The following KLK5 variants were observed in gnomAD, a reference collection of about 807,000 sequenced individuals.
KLK5 encodes kallikrein-5.
A neutral mutation model predicts 24.0 loss-of-function variants in KLK5; 18 were observed. The ratio of observed to expected loss-of-function variants is 0.75; its 90% CI spans 0.52 to 1.11. The LOEUF is 1.11. Ranked by LOEUF, KLK5 falls within the 50% of genes most tolerant of loss-of-function variation. KLK5 has a pLI of 0.00. For missense variants in KLK5, 374 were observed against 379.2 expected (o/e 0.99, Z 0.11); for synonymous variants, 140 against 154.0 (o/e 0.91, Z 0.67).
intron 5 of KLK5, among the ~76,000 whole-genome samples, chr19:50,948,239 G>A (rs574914207): frequency 7.3e-5 from 11 of 151,482 alleles, no homozygotes; most frequent in Admixed American, 4.6e-4. Context: ...CTTGTGTCTC[G>A]GCCTCCTGAG....
chr19:50,943,846 G>C, intron 5 of KLK5, 60 bp from the exon 6 acceptor site: 1 of 1,388,554 alleles, frequency 7.2e-7, no homozygotes, highest in Non-Finnish European at 1.0e-6. Flanking sequence ...GGCAGAAGGA[G>C]ACATGAGAGA....
At position 50,945,047 on chromosome 19, in the gene KLK5, CCT is replaced by C. The variant is rs1166890524; in HGVS notation, c.727-1263_727-1262del. On this transcript the variant is annotated intron_variant, in intron 5 of 5. Coordinates refer to ENST00000336334, the MANE Select transcript of KLK5 (RefSeq NM_012427.5). ...TTCCTTCCTTCCTTTCTTTCTCCTT[CCT>C]TCCTTTCTTTCTCCTTCCTTCCTTC... 6.5e-5 allele frequency among the ~76,000 whole-genome samples: 9 copies of C among 138,440 alleles called. No individual in the cohort carries two copies. The East Asian group carries it at 1.7e-3, about 26-fold the overall frequency. The allele number at this position is 138,440 out of a possible 152,430, so 90.8% of individuals were successfully genotyped here.
In KLK5 at chr19:50,949,071, T is replaced by C; in HGVS notation, c.380A>G (p.Tyr127Cys). 2 of 1,613,648 alleles carry C rather than the reference T, an allele frequency of 1.2e-6. No homozygotes were observed. The highest frequency in any genetic ancestry group is 1.7e-6 in the Non-Finnish European group (2 of 1,179,954). The part of the protein sequence containing the change: ...RLGHYSLSPV[Y>C]ESGQQMFQGV... ...CTGGAACATCTGCTGCCCAGATTCA[T>C]AAACTGGTGACAGGGAGTAGTGGCC... The change falls in exon 4 of 6, where the codon TAT becomes TGT. Residue 127 changes from tyrosine (Y) to cysteine (C), a missense_variant. Transcript: ENST00000336334.
At chr19:50,946,002 C>T (rs2090630173) in intron 5 of KLK5, among the ~76,000 whole-genome samples, 1 of 152,324 alleles carries the variant, frequency 6.6e-6, no homozygotes, top group East Asian at 1.9e-4. Flanking sequence ...TGTGCCATTG[C>T]ACCCGGCTTC....
In KLK5 at chr19:50,950,124, C is replaced by A. The variant is rs1192371754; in HGVS notation, c.74-8G>T. 3 of 1,557,866 alleles carry A rather than the reference C, an allele frequency of 1.9e-6. No individual in the cohort carries two copies. Among genetic ancestry groups the A allele is most frequent in the Non-Finnish European group, 2.6e-6 (3 of 1,146,272 alleles). ...TGTTGGCGAGAACATGCTCTGGGAA[C>A]GGAAAATGGGTTGGGCGGGGCTCAG... On this transcript the variant is annotated splice_polypyrimidine_tract_variant and splice_region_variant and intron_variant, in intron 2 of 5. Transcript: ENST00000336334.
chr19:50,951,745 C>T (rs572934629), intron 2 of KLK5, among the ~76,000 whole-genome samples: 3 of 152,296 alleles, frequency 2.0e-5, no homozygotes, highest in South Asian at 4.1e-4. Context: ...CACACGCTCC[C>T]GGGCAGCCTA....
At chr19:50,944,043 G>A (rs757693560) in intron 5 of KLK5, among the ~76,000 whole-genome samples, 23 of 150,838 alleles carry the variant, frequency 1.5e-4, no homozygotes, top group Non-Finnish European at 3.0e-4. Flanking sequence ...TTACTCTGTT[G>A]CCCAGGTTGG....
intron 5 of KLK5, 56 bp downstream of exon 5, chr19:50,948,584 A>T (rs1844784891): frequency 1.3e-6 from 2 of 1,589,152 alleles, no homozygotes; most frequent in Admixed American, 1.7e-5. Flanking sequence ...GCAACGCTCC[A>T]TGTTACCGAG....
Position 50,943,395 on chromosome 19 carries a change from A to G in KLK5, c.*236T>C. 2 of 439,242 alleles carry G rather than the reference A, an allele frequency of 4.6e-6. No individual in the cohort carries two copies. The highest frequency in any genetic ancestry group is 8.2e-6 in the Non-Finnish European group (2 of 244,792). The allele number at this position is 439,242 out of a possible 1,614,324, so 27.2% of individuals were successfully genotyped here. A position where few individuals can be genotyped will look rare whatever the true frequency, so the allele number is the denominator to read the frequency against. ...GCTTGAGGATGAAAGTGCCCCAGGG[A>G]GATTGAGACGCAACCCCCGCCCTGG... is the stretch of plus-strand genomic sequence containing the variant. On this transcript the variant is annotated 3_prime_UTR_variant, in exon 6 of 6. Transcript: ENST00000336334.
At position 50,947,405 on chromosome 19, in the gene KLK5, C is replaced by G. The variant is rs73045911; in HGVS notation, c.726+1235G>C. On this transcript the variant is annotated intron_variant, in intron 5 of 5. Coordinates refer to ENST00000336334, the MANE Select transcript of KLK5 (RefSeq NM_012427.5). The surrounding 1 kb of genome is among the most constrained non-coding windows in gnomAD (Gnocchi z 8.7). ...CTTCACGAGTTTAGCTTCTTTGTGT[C>G]ATCCATTCTCTGCTCAAATGCCACC... Among the ~76,000 whole-genome samples, 6,722 of 152,256 alleles carry G rather than the reference C, an allele frequency of 0.044. 162 individuals are homozygous for G. Among genetic ancestry groups the G allele is most frequent in the African/African-American group, 0.051 (2,115 of 41,534 alleles).
Position 50,952,768 on chromosome 19 carries a change from G to A in KLK5, c.-33C>T, listed in dbSNP as rs2090699347. 1.2e-5 allele frequency: 8 copies of A among 691,530 alleles called. No homozygotes were observed. In the Admixed American group the frequency reaches 1.7e-4, roughly 14 times the overall value. 42.8% of individuals were successfully genotyped at this position (691,530 alleles called of 1,614,324 possible). On this transcript the variant is annotated 5_prime_UTR_variant, in exon 1 of 6. Transcript: ENST00000336334. ...CTACCTTATTTCCCCAGGTAGAGAG[G>A]AACCACAAGGACGGGCCACCATCGG...
intron 5 of KLK5, 51 bp downstream of exon 5, chr19:50,948,589 A>G: frequency 2.5e-6 from 4 of 1,596,684 alleles, no homozygotes; most frequent in Non-Finnish European, 3.4e-6. Context: ...GCTCCATGTT[A>G]CCGAGTTGGC....
chr19:50,943,806 G>A lies in KLK5; in HGVS notation c.727-20C>T, dbSNP rs768305278. 7 of 1,601,316 alleles carry A rather than the reference G, an allele frequency of 4.4e-6. No homozygotes were observed. The highest frequency in any genetic ancestry group is 1.7e-4 in the Middle Eastern group (1 of 5,774). The stretch of plus-strand genomic sequence containing the variant: ...ATCACCCTGCAGGAGAGAAAGGGGG[G>A]CATGAGAGAGGCAGAGATGTGGCAA... On this transcript the variant is annotated intron_variant, in intron 5 of 5. Transcript: ENST00000336334.
Position 50,943,767 on chromosome 19 carries a change from A to G in KLK5, c.746T>C (p.Val249Ala), listed in dbSNP as rs752873684. 1 of 1,613,254 alleles carries G rather than the reference A, an allele frequency of 6.2e-7. No individual in the cohort carries two copies. Among genetic ancestry groups the G allele is most frequent in the African/African-American group, 1.3e-5 (1 of 75,016 alleles). The change falls in exon 6 of 6, where the codon GTG becomes GCG. Residue 249 changes from valine (V) to alanine (A), a missense_variant. Coordinates refer to ENST00000336334, the MANE Select transcript of KLK5 (RefSeq NM_012427.5). ...DSCQGDSGGP[V>A]VCNGSLQGLV... ...TCCCTGCAGGGAGCCATTGCAGACCACAGGCCCCCCAGAATCACCCTGCAG... is the reference window on the plus strand; with the variant it reads ...TCCCTGCAGGGAGCCATTGCAGACCGCAGGCCCCCCAGAATCACCCTGCAG...
rs1382975384 is a variant in KLK5, at chr19:50,947,570, T to C, written c.726+1070A>G. The stretch of plus-strand genomic sequence containing the variant: ...TTATGCAGATTCTTGACCACAGAGT[T>C]TTTTATTTTTTAACTTTGTTCCTCC... On this transcript the variant is annotated intron_variant, in intron 5 of 5. Transcript: ENST00000336334. This position sits in a 1 kb window ranked among gnomAD's most constrained non-coding sequence, Gnocchi z 8.7. 6.6e-6 allele frequency among the ~76,000 whole-genome samples: 1 copy of C among 152,182 alleles called. No homozygotes were observed. Among genetic ancestry groups the C allele is most frequent in the Non-Finnish European group, 1.5e-5 (1 of 68,028 alleles).
Position 50,947,445 on chromosome 19 carries a change from C to T in KLK5, c.726+1195G>A, listed in dbSNP as rs1002765039. 3.3e-5 allele frequency among the ~76,000 whole-genome samples: 5 copies of T among 152,148 alleles called. No homozygotes were observed. Among genetic ancestry groups the T allele is most frequent in the Non-Finnish European group, 5.9e-5 (4 of 68,030 alleles). ...CAAATGCCACCTCTCCAAGGAGGCT[C>T]CCCTGACCACCTTTTTGAATATTGG... On this transcript the variant is annotated intron_variant, in intron 5 of 5. Transcript: ENST00000336334. This position sits in a 1 kb window ranked among gnomAD's most constrained non-coding sequence, Gnocchi z 8.7.
chr19:50,944,641 G>A (rs144679965), intron 5 of KLK5, among the ~76,000 whole-genome samples: 10 of 152,300 alleles, frequency 6.6e-5, no homozygotes, highest in East Asian at 5.8e-4. Context: ...TGGGCACTGT[G>A]GGCATCTGAA....
At chr19:50,950,248 A>G (rs2090675930) in intron 2 of KLK5, 132 bp from the exon 3 acceptor site, 2 of 822,908 alleles carry the variant, frequency 2.4e-6, no homozygotes, top group Non-Finnish European at 3.8e-6. Context: ...CAGGGCCTGG[A>G]GAATAAGAGT....
intron 2 of KLK5, among the ~76,000 whole-genome samples, chr19:50,951,269 T>TTTTTTTTC (rs1309551977): frequency 6.6e-6 from 1 of 151,958 alleles, no homozygotes; most frequent in African/African-American, 2.4e-5. Context: ...TCTTACCCTT[T>TTTTTTTTC]TTTTTTTCTT....
Sources: gnomAD v4.1 joint callset for allele counts (sites outside exome capture counted in the v4.1 genomes callset) on GRCh38, gnomAD v4.1.1 for gene constraint, Gnocchi (gnomAD v3.1) non-coding constraint, MANE v1.5 for transcripts, NCBI Gene and HGNC (gene_info 2026-07-23, HGNC 2026-07-21) for gene names.